Variants in OTUD6B observed in about 807,000 individuals in gnomAD.
OTUD6B encodes the protein OTU deubiquitinase 6B.
Under a neutral mutation model 36.9 loss-of-function variants are expected in OTUD6B, and 41 were observed. That is an observed-to-expected ratio of 1.11 (90% CI 0.87 to 1.44). OTUD6B has a LOEUF of 1.44. Ranked by LOEUF, OTUD6B falls within the 40% of genes most tolerant of loss-of-function variation. OTUD6B has a pLI of 0.00. For missense variants in OTUD6B, 356 were observed against 344.8 expected (o/e 1.03, Z -0.26); for synonymous variants, 114 against 114.2 (o/e 1.00, Z 0.01).
intron 5 of OTUD6B, among the ~76,000 whole-genome samples, chr8:91,081,606 G>A (rs1467582127): frequency 6.8e-6 from 1 of 147,326 alleles, no homozygotes; most frequent in Non-Finnish European, 1.5e-5. Flanking sequence ...TGAGCATTAA[G>A]TAAGGCAGAG....
At chr8:91,072,638 A>G (rs1812722813) in intron 2 of OTUD6B, among the ~76,000 whole-genome samples, 1 of 152,174 alleles carries the variant, frequency 6.6e-6, no homozygotes, top group African/African-American at 2.4e-5. Flanking sequence ...CCTTGCCTTT[A>G]ATGTACTTCA....
At position 91,080,619 on chromosome 8, in the gene OTUD6B, C is replaced by A. The variant is rs756292152; in HGVS notation, c.629-50C>A. On this transcript the variant is annotated intron_variant, in intron 4 of 6. Transcript: ENST00000404789. ...GGGAACTATAAAAGGGATTTTGTAA[C>A]ATGAGTTACAAAAATTATTAAGTGC... 5.8e-6 allele frequency: 9 copies of A among 1,545,322 alleles called. No individual in the cohort carries two copies. The South Asian group carries it at 8.6e-5, about 15-fold the overall frequency.
chr8:91,080,561 G>A (rs543911836), intron 4 of OTUD6B, 108 bp from the exon 5 acceptor site: 2 of 1,486,510 alleles, frequency 1.3e-6, no homozygotes, highest in Admixed American at 2.6e-5. Context: ...GAAGGAGAAT[G>A]TTCATAACTT....
chr8:91,071,465 C>A (rs1812697016), intron 2 of OTUD6B, among the ~76,000 whole-genome samples, 176 bp downstream of exon 2: 1 of 151,642 alleles, frequency 6.6e-6, no homozygotes, highest in South Asian at 2.1e-4. Context: ...TCTCCTGCCT[C>A]AGCCTCCCGA....
chr8:91,075,135 C>CT (rs968442477), intron 3 of OTUD6B, among the ~76,000 whole-genome samples: 1 of 151,908 alleles, frequency 6.6e-6, no homozygotes, highest in African/African-American at 2.4e-5. Context: ...AAAGCAATGT[C>CT]TTTTTTTGTT....
At chr8:91,081,063 A>C (rs1220601644) in intron 5 of OTUD6B, among the ~76,000 whole-genome samples, 1 of 152,142 alleles carries the variant, frequency 6.6e-6, no homozygotes, top group Admixed American at 6.5e-5. Context: ...TGAAAATTTT[A>C]CTGAAGTAAA....
chr8:91,078,704 T>A, intron 4 of OTUD6B, 36 bp downstream of exon 4: 1 of 1,415,008 alleles, frequency 7.1e-7, no homozygotes, highest in Non-Finnish European at 9.6e-7. Context: ...TTATTGTTGC[T>A]TTGTTGTAGT....
chr8:91,075,284 A>G (rs1812781212), intron 3 of OTUD6B, among the ~76,000 whole-genome samples: 1 of 152,034 alleles, frequency 6.6e-6, no homozygotes, highest in South Asian at 2.1e-4. Context: ...TGCTTAGGAT[A>G]TGCATTCTTT....
intron 5 of OTUD6B, among the ~76,000 whole-genome samples, chr8:91,080,996 T>G (rs1812895094): frequency 2.0e-5 from 3 of 152,186 alleles, no homozygotes; most frequent in Admixed American, 1.3e-4. Flanking sequence ...TATGTGTAAG[T>G]CTTTTCATCG....
In OTUD6B at chr8:91,085,633, A is replaced by C. The variant is rs1813000086; in HGVS notation, c.*765A>C. 6.6e-6 allele frequency: 1 copy of C among 152,022 alleles called. No individual in the cohort carries two copies. Among genetic ancestry groups the C allele is most frequent in the Non-Finnish European group, 1.5e-5 (1 of 67,958 alleles). The allele number at this position is 152,022 out of a possible 1,614,324, so 9.4% of individuals were successfully genotyped here. ...CATTTGTTATTCTTTCGTATTTTTT[A>C]AGCATCGGACTGGAGTTAGTACCAT... On this transcript the variant is annotated 3_prime_UTR_variant, in exon 7 of 7. Transcript: ENST00000404789.
chr8:91,077,521 CCTTT>C (rs1054439638), intron 3 of OTUD6B, among the ~76,000 whole-genome samples: 115 of 151,502 alleles, frequency 7.6e-4, no homozygotes, highest in African/African-American at 2.7e-3. Context: ...AATTTTTTTT[CCTTT>C]CTTCTTCCCC....
intron 5 of OTUD6B, among the ~76,000 whole-genome samples, chr8:91,081,818 A>T (rs143580909): frequency 5.9e-5 from 9 of 152,266 alleles, no homozygotes; most frequent in African/African-American, 2.2e-4. Context: ...GTGCATTTCC[A>T]CCAGAGGGAA....
chr8:91,076,045 T>C (rs935624133), intron 3 of OTUD6B, among the ~76,000 whole-genome samples: 3 of 152,092 alleles, frequency 2.0e-5, no homozygotes, highest in Non-Finnish European at 2.9e-5. Context: ...TTCAAAAATA[T>C]GGAATTTGAG....
intron 5 of OTUD6B, among the ~76,000 whole-genome samples, chr8:91,083,402 C>T (rs933848440): frequency 3.9e-5 from 6 of 152,066 alleles, no homozygotes; most frequent in Admixed American, 3.3e-4. Flanking sequence ...CTAGTCTACC[C>T]ATTGCCCCTC....
At position 91,075,062 on chromosome 8, in the gene OTUD6B, T is replaced by G. The variant is rs189652617; in HGVS notation, c.315+1151T>G. Among the ~76,000 whole-genome samples, 233 of 152,208 alleles carry G rather than the reference T, an allele frequency of 1.5e-3. 1 individual carries two copies. Among genetic ancestry groups the G allele is most frequent in the Non-Finnish European group, 2.7e-3 (183 of 67,922 alleles). On this transcript the variant is annotated intron_variant, in intron 3 of 6. Coordinates refer to ENST00000404789, the MANE Select transcript of OTUD6B (RefSeq NM_016023.5). ...TAGTATGCCTCTTAAAAATGTAACC[T>G]AAAAGCAATGTCTTTTTCTGTGTTA... is the stretch of plus-strand genomic sequence containing the variant.
At chr8:91,071,898 A>T (rs567814517) in intron 2 of OTUD6B, among the ~76,000 whole-genome samples, 2 of 152,232 alleles carry the variant, frequency 1.3e-5, no homozygotes, top group Non-Finnish European at 2.9e-5. Flanking sequence ...ATGGGATTGT[A>T]ACCTGAGCAA....
intron 2 of OTUD6B, 121 bp from the exon 3 acceptor site, chr8:91,073,710 A>C: frequency 7.9e-7 from 1 of 1,258,862 alleles, no homozygotes; most frequent in East Asian, 3.1e-5. Flanking sequence ...AGACAAAACC[A>C]TATTATCTAA....
intron 4 of OTUD6B, 35 bp downstream of exon 4, chr8:91,078,703 C>A: frequency 7.0e-7 from 1 of 1,425,524 alleles, no homozygotes. Flanking sequence ...TTTATTGTTG[C>A]TTTGTTGTAG....
Position 91,070,407 on chromosome 8 carries a change from A to G in OTUD6B, c.23A>G (p.Glu8Gly). The change falls in exon 1 of 7, where the codon GAG (glutamate) becomes GGG (glycine). Residue 8 changes from glutamate to glycine, a missense_variant. Physicochemically the swap from Glu to Gly is moderately conservative, Grantham distance 98. Transcript: ENST00000404789. MEAVLTE[E>G]LDEEEQLLRR... ...GTCATGGAGGCGGTATTGACCGAAG[A>G]GCTTGATGAGGAAGAGCAGCTGCTG... The G allele has an allele frequency of 6.2e-7, 1 of 1,603,590 alleles. No homozygotes were observed. The highest frequency in any genetic ancestry group is 8.5e-7 in the Non-Finnish European group (1 of 1,174,938).
Sources: gnomAD v4.1 joint callset for allele counts (sites outside exome capture counted in the v4.1 genomes callset) on GRCh38, gnomAD v4.1.1 for gene constraint, MANE v1.5 for transcripts, NCBI Gene and HGNC (gene_info 2026-07-23, HGNC 2026-07-21) for gene names.